CPE: variants seen among roughly 807,000 people sequenced by gnomAD.
CPE encodes carboxypeptidase E.
CPE carries 17 observed loss-of-function variants against 53.5 expected under a neutral mutation model. The observed-to-expected ratio is 0.32, with a 90% CI of 0.22 to 0.48. The LOEUF is 0.48. CPE is among the 20% of genes least tolerant of loss of function. The probability of loss-of-function intolerance (pLI) is 0.99; values close to 1 mark genes in which losing one functional copy is unlikely to be tolerated. For synonymous variants in CPE, 226 were observed against 228.8 expected, an observed-to-expected ratio of 0.99 and a Z score of 0.11; for missense variants, 524 against 614.7, an observed-to-expected ratio of 0.85 and a Z score of 1.56.
At chr4:165,449,258 A>G (rs1289968916) in intron 1 of CPE, among the ~76,000 whole-genome samples, 1 of 152,230 alleles carries the variant, frequency 6.6e-6, no homozygotes, top group Non-Finnish European at 1.5e-5. Context: ...CATTTATACC[A>G]TGAGTTTAAA....
chr4:165,478,442 T>C (rs1172843488), intron 3 of CPE, among the ~76,000 whole-genome samples: 2 of 152,230 alleles, frequency 1.3e-5, no homozygotes, highest in African/African-American at 4.8e-5. Flanking sequence ...TTGTGTATGA[T>C]GTAAGAACTA....
rs527936136 is a variant in CPE, at chr4:165,467,719, G to A, written c.536G>A (p.Arg179Gln). ...PGELKDWFVG[R>Q]SNAQGIDLNR... ...GAACTCAAGGACTGGTTTGTGGGTC[G>A]AAGCAATGCCCAGGGAATAGATCTG... The change falls in exon 3 of 9, where the codon CGA (arginine) becomes CAA (glutamine). Residue 179 changes from arginine to glutamine, a missense_variant. By Grantham distance (43) the Arg-to-Gln change is conservative. Transcript: ENST00000402744. 6 of 1,609,618 alleles carry A rather than the reference G, an allele frequency of 3.7e-6. No homozygotes were observed. The highest frequency in any genetic ancestry group is 2.7e-5 in the African/African-American group (2 of 74,628).
intron 1 of CPE, among the ~76,000 whole-genome samples, chr4:165,424,484 C>A (rs913514046): frequency 4.0e-5 from 6 of 151,524 alleles, no homozygotes; most frequent in African/African-American, 1.5e-4. Flanking sequence ...GCTTTCTATT[C>A]TGTATTTTGC....
intron 1 of CPE, among the ~76,000 whole-genome samples, chr4:165,414,302 C>CT (rs1324994185): frequency 2.0e-5 from 3 of 151,962 alleles, no homozygotes; most frequent in Admixed American, 6.6e-5. Context: ...CCAAAGAAAG[C>CT]TTTTTTTATG....
Position 165,379,184 on chromosome 4 carries a change from G to A in CPE, c.-38G>A. The A allele has an allele frequency of 8.2e-7, 1 of 1,221,910 alleles. No individual in the cohort carries two copies. The highest frequency in any genetic ancestry group is 3.3e-5 in the East Asian group (1 of 30,262). 75.7% of individuals were successfully genotyped at this position (1,221,910 alleles called of 1,614,324 possible). A position where few individuals can be genotyped will look rare whatever the true frequency, so the allele number is the denominator to read the frequency against. ...GCCGGGCAGACAAAAGAGGCCGCCC[G>A]CGTAGGAAGGCACGGCCGGCGGCGG... On this transcript the variant is annotated 5_prime_UTR_variant, in exon 1 of 9. Transcript: ENST00000402744. The surrounding 1 kb of genome is among the most constrained non-coding windows in gnomAD (Gnocchi z 6.0).
chr4:165,405,184 T>A, intron 1 of CPE: 1 of 776,472 alleles, frequency 1.3e-6, no homozygotes. Context: ...ACCCAGTGAG[T>A]GTGGCATCTT....
At chr4:165,461,188 G>GAAAGAAAGAAAAAGAAAAAGAA (rs34340568) in intron 1 of CPE, among the ~76,000 whole-genome samples, 2 of 81,210 alleles carry the variant, frequency 2.5e-5, no homozygotes, top group South Asian at 3.8e-4. Context: ...AAAAAAAAAA[G>GAAAGAAAGAAAAAGAAAAAGAA]AAAGAAAGAA....
intron 5 of CPE, among the ~76,000 whole-genome samples, chr4:165,486,740 T>C (rs764294447): frequency 5.3e-5 from 8 of 152,202 alleles, no homozygotes; most frequent in Non-Finnish European, 1.2e-4. Context: ...CGTTATCTTA[T>C]GTAAAATGCA....
chr4:165,390,944 G>C (rs1422138049), intron 1 of CPE, among the ~76,000 whole-genome samples: 1 of 152,112 alleles, frequency 6.6e-6, no homozygotes, highest in Non-Finnish European at 1.5e-5. Context: ...ATTGTTTCGA[G>C]ACTTCTGAGT....
intron 1 of CPE, among the ~76,000 whole-genome samples, chr4:165,417,418 A>G (rs1345934832): frequency 6.6e-6 from 1 of 152,218 alleles, no homozygotes; most frequent in Non-Finnish European, 1.5e-5. Context: ...TCATTCAACA[A>G]TGTAATGAAG....
chr4:165,466,774 T>G (rs1183500784), intron 2 of CPE, among the ~76,000 whole-genome samples: 1 of 152,100 alleles, frequency 6.6e-6, no homozygotes, highest in Non-Finnish European at 1.5e-5. Flanking sequence ...CCTTGGCCTC[T>G]CAAAGTGCTG....
Position 165,379,579 on chromosome 4 carries a change from C to CAGAG in CPE, c.307+52_307+55dup. On this transcript the variant is annotated intron_variant, in intron 1 of 8. Coordinates refer to ENST00000402744, the MANE Select transcript of CPE (RefSeq NM_001873.4). The surrounding 1 kb of genome is among the most constrained non-coding windows in gnomAD (Gnocchi z 6.0). Reference sequence around the variant, plus strand: ...CTGGGGGCATCCCGGAGGGGGGCGGCAGAGGGTGGGACTGGTGGCGGTGGG... The same window carrying CAGAG: ...CTGGGGGCATCCCGGAGGGGGGCGGCAGAGAGAGGGTGGGACTGGTGGCGGTGGG... 1 of 1,136,260 alleles carries CAGAG rather than the reference C, an allele frequency of 8.8e-7. No homozygotes were observed. Among genetic ancestry groups the CAGAG allele is most frequent in the Non-Finnish European group, 1.1e-6 (1 of 869,582 alleles). The allele number at this position is 1,136,260 out of a possible 1,614,324, so 70.4% of individuals were successfully genotyped here.
chr4:165,489,185 A>G (rs1732558544), intron 6 of CPE, among the ~76,000 whole-genome samples: 1 of 152,244 alleles, frequency 6.6e-6, no homozygotes, highest in Non-Finnish European at 1.5e-5. Flanking sequence ...ACTGAAAAGT[A>G]TGTTTTTGGA....
At chr4:165,452,092 C>T (rs917692220) in intron 1 of CPE, among the ~76,000 whole-genome samples, 1 of 151,938 alleles carries the variant, frequency 6.6e-6, no homozygotes, top group African/African-American at 2.4e-5. Flanking sequence ...CACATGTGTG[C>T]AAGAGCTAAA....
chr4:165,424,936 G>T (rs1731292962), intron 1 of CPE, among the ~76,000 whole-genome samples: 1 of 147,408 alleles, frequency 6.8e-6, no homozygotes, highest in African/African-American at 2.5e-5. Flanking sequence ...ATGCAGTGAT[G>T]CGATCTTGGC....
At chr4:165,459,682 G>GA (rs1161065878) in intron 1 of CPE, among the ~76,000 whole-genome samples, 5 of 127,866 alleles carry the variant, frequency 3.9e-5, no homozygotes, top group Non-Finnish European at 8.0e-5. Flanking sequence ...GGTGGGGGGG[G>GA]GCGGGGCAGA....
In CPE at chr4:165,458,824, T is replaced by C. The variant is rs895606008; in HGVS notation, c.308-5566T>C. Reference sequence around the variant, plus strand: ...TTATTTCCAAAAGGAGAAGAAAATATTAGATAGGTAGACAGACTGATCATG... The same window carrying C: ...TTATTTCCAAAAGGAGAAGAAAATACTAGATAGGTAGACAGACTGATCATG... On this transcript the variant is annotated intron_variant, in intron 1 of 8. Transcript: ENST00000402744. Among the ~76,000 whole-genome samples, 11 of 152,222 alleles carry C rather than the reference T, an allele frequency of 7.2e-5. No homozygotes were observed. In the South Asian group the frequency reaches 2.1e-3, roughly 29 times the overall value.
chr4:165,486,062 G>C (rs1732499779), intron 5 of CPE, among the ~76,000 whole-genome samples: 1 of 152,202 alleles, frequency 6.6e-6, no homozygotes, highest in African/African-American at 2.4e-5. Flanking sequence ...CCCCTTGAGA[G>C]AAAGGGACCA....
chr4:165,432,682 A>G (rs1254169575), intron 1 of CPE, among the ~76,000 whole-genome samples: 1 of 152,152 alleles, frequency 6.6e-6, no homozygotes, highest in Non-Finnish European at 1.5e-5. Flanking sequence ...CTTTTCCCTC[A>G]GTAATTTATA....
Sources: gnomAD v4.1 joint callset for allele counts (sites outside exome capture counted in the v4.1 genomes callset) on GRCh38, gnomAD v4.1.1 for gene constraint, Gnocchi (gnomAD v3.1) non-coding constraint, MANE v1.5 for transcripts, NCBI Gene and HGNC (gene_info 2026-07-23, HGNC 2026-07-21) for gene names.